CCDC13: variants seen among roughly 807,000 people sequenced by gnomAD.
CCDC13 encodes the protein coiled-coil domain-containing protein 13.
In CCDC13, 70 loss-of-function variants were observed where a neutral mutation model predicts 87.3. The ratio of observed to expected loss-of-function variants is 0.80; its 90% CI spans 0.66 to 0.98. The LOEUF (loss-of-function observed/expected upper bound fraction) is 0.98. Ranked by LOEUF, CCDC13 falls within the 50% of genes least tolerant of loss-of-function variation. The pLI, the probability that CCDC13 is intolerant of heterozygous loss-of-function variation, is 0.00. For missense variants in CCDC13, 842 were observed against 892.0 expected, an observed-to-expected ratio of 0.94 and a Z score of 0.71; for synonymous variants, 317 against 360.3, an observed-to-expected ratio of 0.88 and a Z score of 1.36.
At chr3:42,719,603 A>C (rs1429862635) in intron 13 of CCDC13, 1 of 152,166 alleles carries the variant, frequency 6.6e-6, no homozygotes, top group East Asian at 1.9e-4. Context: ...GACACCCATA[A>C]GCCTGCTTTT....
At chr3:42,766,720 G>A (rs1460916226) in intron 1 of CCDC13, among the ~76,000 whole-genome samples, 3 of 151,988 alleles carry the variant, frequency 2.0e-5, no homozygotes, top group Non-Finnish European at 4.4e-5. Context: ...GACCAAATAG[G>A]AGTTACTTTA....
intron 13 of CCDC13, among the ~76,000 whole-genome samples, chr3:42,724,176 C>A (rs1698632709): frequency 6.6e-6 from 1 of 152,168 alleles, no homozygotes; most frequent in Non-Finnish European, 1.5e-5. Context: ...AAATAGCAAA[C>A]CACATTGTGA....
intron 2 of CCDC13, 103 bp from the exon 3 acceptor site, chr3:42,757,317 G>T: frequency 9.2e-7 from 1 of 1,090,198 alleles, no homozygotes; most frequent in Non-Finnish European, 1.3e-6. Flanking sequence ...CGCAGATGCA[G>T]ACACACTGAC....
At chr3:42,764,924 A>G (rs894135168) in intron 1 of CCDC13, among the ~76,000 whole-genome samples, 1 of 152,192 alleles carries the variant, frequency 6.6e-6, no homozygotes, top group Non-Finnish European at 1.5e-5. Context: ...GGGTCCTAAT[A>G]CCTTATTCAT....
chr3:42,757,539 C>T (rs541289756), intron 2 of CCDC13, among the ~76,000 whole-genome samples: 7 of 152,124 alleles, frequency 4.6e-5, no homozygotes, highest in Non-Finnish European at 7.4e-5. Context: ...CAAAGAAAGA[C>T]CCTGTCTCTA....
intron 1 of CCDC13, among the ~76,000 whole-genome samples, chr3:42,772,394 G>A (rs1700145628): frequency 6.6e-6 from 1 of 151,992 alleles, no homozygotes; most frequent in African/African-American, 2.4e-5. Context: ...ATGCACTCTG[G>A]AGTCCTATGA....
intron 7 of CCDC13, among the ~76,000 whole-genome samples, chr3:42,744,213 C>T (rs1699321236): frequency 6.6e-6 from 1 of 152,244 alleles, no homozygotes; most frequent in African/African-American, 2.4e-5. Flanking sequence ...CAGCCTGGCA[C>T]ATGTGGGCCT....
At position 42,748,076 on chromosome 3, in the gene CCDC13, C is replaced by CT. The variant is rs200249855; in HGVS notation, c.604-704dup. Among the ~76,000 whole-genome samples, 228 of 146,446 alleles carry CT rather than the reference C, an allele frequency of 1.6e-3. 1 individual carries two copies. The highest frequency in any genetic ancestry group is 4.1e-3 in the African/African-American group (163 of 40,050). The stretch of plus-strand genomic sequence containing the variant: ...TGCCTGCTGAAACTCTTAGCAATGT[C>CT]TTTTTTTTTTTTAACCCAATGTTTT... On this transcript the variant is annotated intron_variant, in intron 5 of 15. Transcript: ENST00000310232.
intron 1 of CCDC13, among the ~76,000 whole-genome samples, chr3:42,770,433 T>C (rs1700043298): frequency 6.6e-6 from 1 of 152,120 alleles, no homozygotes. Context: ...GTGGAAAACT[T>C]TTGTGTCTAG....
At chr3:42,739,609 C>T (rs1699145075) in intron 9 of CCDC13, 25 bp downstream of exon 9, 1 of 1,606,134 alleles carries the variant, frequency 6.2e-7, no homozygotes, top group South Asian at 1.1e-5. Flanking sequence ...CTGGCTCTCG[C>T]CCTGCCTGAG....
intron 13 of CCDC13, among the ~76,000 whole-genome samples, chr3:42,726,934 TAGC>T (rs1402385410): frequency 2.0e-5 from 3 of 152,158 alleles, no homozygotes; most frequent in African/African-American, 7.2e-5. Flanking sequence ...ATAAAACTGA[TAGC>T]AGATTTCTTT....
Position 42,709,766 on chromosome 3 carries a change from T to G in CCDC13, c.1906A>C (p.Thr636Pro). 1 of 1,614,120 alleles carries G rather than the reference T, an allele frequency of 6.2e-7. No individual in the cohort carries two copies. Among genetic ancestry groups the G allele is most frequent in the African/African-American group, 1.3e-5 (1 of 75,046 alleles). Residue 636 changes from threonine to proline, a missense_variant, in exon 15 of 16, where the codon ACC (threonine) becomes CCC (proline). Transcript: ENST00000310232. ...LPTSNNRHNP[T>P]GSEKKDPSFA... ...GATGGGTCCTTCTTCTCGCTCCCGG[T>G]TGGGTTGTGCCTGTTGTTAGAGGTG...
chr3:42,725,198 A>G (rs1293487712), intron 13 of CCDC13, among the ~76,000 whole-genome samples: 2 of 152,316 alleles, frequency 1.3e-5, no homozygotes, highest in East Asian at 3.9e-4. Flanking sequence ...GTATGGGGAA[A>G]ACAGTTCACA....
At chr3:42,766,352 A>G (rs1166694155) in intron 1 of CCDC13, among the ~76,000 whole-genome samples, 1 of 141,694 alleles carries the variant, frequency 7.1e-6, no homozygotes, top group Non-Finnish European at 1.6e-5. Flanking sequence ...TAGAGTGAGG[A>G]GGTGGGAGAG....
At chr3:42,710,551 G>A (rs1182514830) in intron 14 of CCDC13, among the ~76,000 whole-genome samples, 1 of 152,214 alleles carries the variant, frequency 6.6e-6, no homozygotes, top group Admixed American at 6.5e-5. Flanking sequence ...TCACAAAAAG[G>A]AGACAAAGTG....
At chr3:42,771,638 C>G (rs969702304) in intron 1 of CCDC13, among the ~76,000 whole-genome samples, 6 of 152,028 alleles carry the variant, frequency 3.9e-5, no homozygotes, top group African/African-American at 1.5e-4. Flanking sequence ...GCCTGTGTTC[C>G]CAGTTACTCA....
At chr3:42,761,495 C>G (rs896140203) in intron 1 of CCDC13, among the ~76,000 whole-genome samples, 4 of 152,212 alleles carry the variant, frequency 2.6e-5, no homozygotes, top group African/African-American at 9.6e-5. Flanking sequence ...TTGACTGCCT[C>G]TCTCCCTCCC....
intron 13 of CCDC13, among the ~76,000 whole-genome samples, chr3:42,727,601 G>A (rs535302000): frequency 5.1e-4 from 77 of 152,140 alleles, no homozygotes; most frequent in Admixed American, 1.2e-3. Flanking sequence ...GACTTACTTT[G>A]GAGGGTTTAA....
At chr3:42,729,517 G>A (rs1355753966) in intron 13 of CCDC13, among the ~76,000 whole-genome samples, 2 of 152,168 alleles carry the variant, frequency 1.3e-5, no homozygotes, top group Non-Finnish European at 2.9e-5. Context: ...GTGAGCACCC[G>A]GAGGAACTTC....
Sources: allele counts gnomAD v4.1 joint callset (sites outside exome capture counted in the v4.1 genomes callset), GRCh38; gene constraint gnomAD v4.1.1; transcripts MANE v1.5; gene names NCBI Gene and HGNC (gene_info 2026-07-23, HGNC 2026-07-21).